RARB: variants seen among roughly 807,000 people sequenced by gnomAD.
RARB encodes HBV-activated protein.
A neutral mutation model predicts 51.9 loss-of-function variants in RARB; 17 were observed. The observed-to-expected ratio is 0.33, with a 90% CI of 0.22 to 0.49. RARB has a LOEUF of 0.49. Among genes scored for constraint, RARB ranks in the 20% least tolerant of loss-of-function variants. RARB has a pLI of 0.99. For synonymous variants in RARB, 215 were observed against 195.4 expected, an observed-to-expected ratio of 1.10 and a Z score of -0.84; for missense variants, 369 against 550.8, an observed-to-expected ratio of 0.67 and a Z score of 3.30.
intron 3 of RARB, among the ~76,000 whole-genome samples, chr3:25,558,527 CCCTT>C (rs1318292554): frequency 8.6e-6 from 1 of 116,632 alleles, no homozygotes; most frequent in African/African-American, 4.3e-5. Flanking sequence ...TAGTTCCTGG[CCCTT>C]TTTTTTTTTT....
At chr3:25,138,425 C>A (rs1191265648) in intron 4 of RARB, among the ~76,000 whole-genome samples, 1 of 151,926 alleles carries the variant, frequency 6.6e-6, no homozygotes. Context: ...CAGTCCCTGC[C>A]CCTGGTTTGT....
intron 5 of RARB, among the ~76,000 whole-genome samples, chr3:25,384,062 C>A (rs1257848912): frequency 6.6e-6 from 1 of 151,840 alleles, no homozygotes; most frequent in Non-Finnish European, 1.5e-5. Context: ...AAGAAAAAAA[C>A]AGAAACATAA....
chr3:25,434,208 A>G (rs1463804688), intron 1 of RARB, among the ~76,000 whole-genome samples: 1 of 152,206 alleles, frequency 6.6e-6, no homozygotes, highest in Non-Finnish European at 1.5e-5. Context: ...GGGAGGGAGA[A>G]AGAAGAAAGC....
intron 5 of RARB, among the ~76,000 whole-genome samples, chr3:25,248,423 G>A (rs1702621990): frequency 6.6e-6 from 1 of 152,058 alleles, no homozygotes; most frequent in Admixed American, 6.6e-5. Context: ...TTGAGCTATT[G>A]TTATTTTGAA....
At chr3:25,329,796 T>C (rs994638741) in intron 5 of RARB, among the ~76,000 whole-genome samples, 1 of 152,064 alleles carries the variant, frequency 6.6e-6, no homozygotes, top group Non-Finnish European at 1.5e-5. Context: ...CTAACTAGAA[T>C]AACCAGTGTA....
intron 5 of RARB, chr3:25,345,997 T>C (rs1056589715): frequency 1.3e-5 from 7 of 538,544 alleles, no homozygotes; most frequent in Non-Finnish European, 1.7e-5. Context: ...GATGAGTAGT[T>C]CTTCTGACCC....
intron 3 of RARB, among the ~76,000 whole-genome samples, chr3:25,537,987 T>C (rs1365608791): frequency 2.6e-5 from 4 of 152,192 alleles, no homozygotes; most frequent in African/African-American, 9.7e-5. Flanking sequence ...CTTTACTTTA[T>C]AGAAACAAAA....
intron 1 of RARB, among the ~76,000 whole-genome samples, chr3:25,434,314 C>T (rs1028793685): frequency 8.5e-5 from 13 of 152,114 alleles, no homozygotes; most frequent in African/African-American, 2.7e-4. Flanking sequence ...GGAAGAAAGT[C>T]GTTTAATAAA....
At chr3:25,025,932 TA>T (rs1173525527) in intron 2 of RARB, among the ~76,000 whole-genome samples, 8 of 152,290 alleles carry the variant, frequency 5.3e-5, no homozygotes, top group African/African-American at 1.7e-4. Flanking sequence ...TTTTATGGCT[TA>T]AAAAATGCTC....
At chr3:25,236,003 A>G (rs73044261) in intron 5 of RARB, among the ~76,000 whole-genome samples, 16,263 of 152,192 alleles carry the variant, frequency 0.11, 917 homozygotes, top group Non-Finnish European at 0.13. Context: ...CCTCAAGTCT[A>G]TATATCCTGA....
In RARB at chr3:25,017,212, T is replaced by C. The variant is rs370150584; in HGVS notation, c.-379-42913T>C. 4.7e-3 allele frequency among the ~76,000 whole-genome samples: 679 copies of C among 143,978 alleles called. 6 individuals carry two copies. Among genetic ancestry groups the C allele is most frequent in the African/African-American group, 0.017 (620 of 35,580 alleles). The allele number at this position is 143,978 out of a possible 152,430, so 94.5% of individuals were successfully genotyped here. The stretch of plus-strand genomic sequence containing the variant: ...TCGTTGTTTACAAATTAACTAGCTT[T>C]CCCCCCCCCTTTCAGAACCTAAACC... On this transcript the variant is annotated intron_variant, in intron 2 of 11. Coordinates refer to the RARB transcript ENST00000383772.
intron 3 of RARB, among the ~76,000 whole-genome samples, chr3:25,067,678 C>G (rs1698689433): frequency 6.6e-6 from 1 of 152,184 alleles, no homozygotes; most frequent in African/African-American, 2.4e-5. Flanking sequence ...AATAAATCTT[C>G]CTTTGCAAAC....
intron 2 of RARB, among the ~76,000 whole-genome samples, chr3:24,885,965 G>C (rs1294735597): frequency 9.2e-5 from 14 of 152,206 alleles, no homozygotes. Context: ...GTACTTTATA[G>C]AGTGATTTAG....
At chr3:25,375,212 C>CA (rs1191077473) in intron 5 of RARB, among the ~76,000 whole-genome samples, 1 of 152,146 alleles carries the variant, frequency 6.6e-6, no homozygotes, top group Admixed American at 6.5e-5. Context: ...TCAAACAAGG[C>CA]AATAAATACA....
intron 2 of RARB, among the ~76,000 whole-genome samples, chr3:24,911,329 A>C (rs1694985239): frequency 6.6e-6 from 1 of 152,226 alleles, no homozygotes; most frequent in African/African-American, 2.4e-5. Context: ...AGGAATTTAT[A>C]TAAAATCAAA....
chr3:25,032,285 C>G (rs1258963807), intron 2 of RARB, among the ~76,000 whole-genome samples: 2 of 152,182 alleles, frequency 1.3e-5, no homozygotes, highest in African/African-American at 2.4e-5. Context: ...ACCTGCCTTT[C>G]CCCACCTTCC....
At position 24,912,975 on chromosome 3, in the gene RARB, CTTTT is replaced by C. The variant is rs386396163; in HGVS notation, c.-380+54242_-380+54245del. Among the ~76,000 whole-genome samples the C allele has an allele frequency of 1.3e-3, 101 of 75,050 alleles. 1 individual carries two copies. Among genetic ancestry groups the C allele is most frequent in the East Asian group, 0.011 (27 of 2,434 alleles). 49.2% of individuals were successfully genotyped at this position (75,050 alleles called of 152,430 possible). The stretch of plus-strand genomic sequence containing the variant: ...GCAATACGCACACAAGGTACTGATT[CTTTT>C]TTTTTTTTTTTTTTTTTTGGAGACA... On this transcript the variant is annotated intron_variant, in intron 2 of 11. Transcript: ENST00000383772.
intron 2 of RARB, among the ~76,000 whole-genome samples, chr3:24,967,998 A>T (rs1696314695): frequency 6.6e-6 from 1 of 152,192 alleles, no homozygotes; most frequent in Non-Finnish European, 1.5e-5. Flanking sequence ...TTTCTAATGA[A>T]ACTGTAAAAC....
intron 2 of RARB, among the ~76,000 whole-genome samples, chr3:25,495,077 A>T (rs897937323): frequency 1.3e-5 from 2 of 152,194 alleles, no homozygotes; most frequent in African/African-American, 4.8e-5. Context: ...GTTCAAATCC[A>T]CATGTGCCTG....
Sources: gnomAD v4.1 joint callset for allele counts (sites outside exome capture counted in the v4.1 genomes callset) on GRCh38, gnomAD v4.1.1 for gene constraint, MANE v1.5 for transcripts, NCBI Gene and HGNC (gene_info 2026-07-23, HGNC 2026-07-21) for gene names.